The following DOCK1 variants were observed in gnomAD, a reference collection of about 807,000 sequenced individuals.
DOCK1 encodes the protein dedicator of cytokinesis 1.
A neutral mutation model predicts 262.7 loss-of-function variants in DOCK1; 138 were observed. The observed-to-expected ratio is 0.53, with a 90% CI of 0.46 to 0.61. The LOEUF (loss-of-function observed/expected upper bound fraction) is 0.61. DOCK1 is among the 20% of genes least tolerant of loss of function. The probability of loss-of-function intolerance (pLI) is 0.00; values close to 1 mark genes in which losing one functional copy is unlikely to be tolerated. For synonymous variants in DOCK1, 866 were observed against 867.4 expected (o/e 1.00, Z 0.03); for missense variants, 1,908 against 2,370.7 (o/e 0.80, Z 4.05).
intron 27 of DOCK1, among the ~76,000 whole-genome samples, chr10:127,157,448 CT>C (rs2053191555): frequency 6.6e-6 from 1 of 152,212 alleles, no homozygotes; most frequent in Admixed American, 6.5e-5. Context: ...TATAGTTTTT[CT>C]TATAGGTGGT....
In DOCK1 at chr10:126,996,898, G is replaced by C. The variant is rs563020283; in HGVS notation, c.609+15G>C. On this transcript the variant is annotated intron_variant, in intron 7 of 51. Coordinates refer to ENST00000623213, the MANE Select transcript of DOCK1 (RefSeq NM_001290223.2). ...AAGAGGAAAAAGTAAGTTTGACTCT[G>C]TCATATGCCATTCACGTTTTCTCAG... 1 of 1,569,960 alleles carries C rather than the reference G, an allele frequency of 6.4e-7. No homozygotes were observed. The highest frequency in any genetic ancestry group is 1.2e-5 in the South Asian group (1 of 83,296).
At chr10:127,384,682 T>C (rs939259526) in intron 37 of DOCK1, 108 bp from the exon 38 acceptor site, 14 of 1,295,118 alleles carry the variant, frequency 1.1e-5, no homozygotes, top group Non-Finnish European at 1.3e-5. Context: ...CAGCCACACA[T>C]GTCTCCAGAA....
At chr10:127,251,120 A>G (rs2059623916) in intron 28 of DOCK1, among the ~76,000 whole-genome samples, 1 of 150,958 alleles carries the variant, frequency 6.6e-6, no homozygotes, top group East Asian at 2.0e-4. Flanking sequence ...GCACCACCAC[A>G]CCCGGCTAAT....
At chr10:126,930,446 C>A (rs1282639611) in intron 1 of DOCK1, among the ~76,000 whole-genome samples, 3 of 152,368 alleles carry the variant, frequency 2.0e-5, no homozygotes, top group Admixed American at 1.3e-4. Context: ...CTTCTTACCT[C>A]CCTGAGCCTT....
intron 10 of DOCK1, chr10:127,001,427 C>T (rs2040588730): frequency 6.6e-6 from 1 of 152,200 alleles, no homozygotes; most frequent in South Asian, 2.1e-4. Context: ...TAGATTGGTA[C>T]ATTGATTACA....
At chr10:127,125,423 G>A (rs1221157472) in intron 25 of DOCK1, 51 bp from the exon 26 acceptor site, 8 of 1,605,478 alleles carry the variant, frequency 5.0e-6, no homozygotes, top group Non-Finnish European at 6.8e-6. Flanking sequence ...GCAAACACGA[G>A]TTGCGTCTTG....
At chr10:127,076,467 C>A (rs1375965648) in intron 23 of DOCK1, among the ~76,000 whole-genome samples, 1 of 152,198 alleles carries the variant, frequency 6.6e-6, no homozygotes, top group South Asian at 2.1e-4. Context: ...CGCCACTGCA[C>A]TCCAGCCTGG....
chr10:126,990,397 C>T (rs1375400310), intron 5 of DOCK1, 58 bp from the exon 6 acceptor site: 2 of 1,512,464 alleles, frequency 1.3e-6, no homozygotes, highest in African/African-American at 2.8e-5. Context: ...CATTCTCTAC[C>T]ATCTCCACAA....
At chr10:127,280,204 T>A (rs1016306875) in intron 29 of DOCK1, among the ~76,000 whole-genome samples, 1 of 151,320 alleles carries the variant, frequency 6.6e-6, no homozygotes, top group African/African-American at 2.4e-5. Flanking sequence ...CCGGCTAATT[T>A]TTTGTATTTT....
At chr10:127,335,891 A>AT (rs2063170271) in intron 29 of DOCK1, among the ~76,000 whole-genome samples, 1 of 150,920 alleles carries the variant, frequency 6.6e-6, no homozygotes. Context: ...ATTTTTTTGT[A>AT]TTTTTTAGTA....
intron 13 of DOCK1, among the ~76,000 whole-genome samples, chr10:127,020,764 C>T (rs893860717): frequency 3.9e-5 from 6 of 152,046 alleles, no homozygotes; most frequent in African/African-American, 1.4e-4. Flanking sequence ...GCTGTGGGCA[C>T]CAGAGAGAGA....
intron 33 of DOCK1, among the ~76,000 whole-genome samples, chr10:127,362,859 A>G (rs75308039): frequency 0.31 from 1,060 of 3,388 alleles, 124 homozygotes; most frequent in Middle Eastern, 0.5. Flanking sequence ...ACACATGTAC[A>G]TCCCCACACA....
intron 31 of DOCK1, among the ~76,000 whole-genome samples, chr10:127,348,823 AC>A (rs1274632932): frequency 6.6e-6 from 1 of 152,212 alleles, no homozygotes; most frequent in Non-Finnish European, 1.5e-5. Context: ...CAGGAAATAA[AC>A]ATGCCATGCA....
chr10:127,439,763 G>T (rs766053748), intron 49 of DOCK1, among the ~76,000 whole-genome samples: 1 of 152,082 alleles, frequency 6.6e-6, no homozygotes, highest in Non-Finnish European at 1.5e-5. Context: ...TCTCCTGGCC[G>T]TCTTTCACAA....
chr10:127,323,679 C>T (rs895999985), intron 29 of DOCK1, among the ~76,000 whole-genome samples: 4 of 152,158 alleles, frequency 2.6e-5, no homozygotes, highest in Non-Finnish European at 5.9e-5. Context: ...CTGCCACCTA[C>T]GAGCTGAGTA....
chr10:127,075,947 A>C (rs2046507558), intron 23 of DOCK1, among the ~76,000 whole-genome samples: 1 of 152,166 alleles, frequency 6.6e-6, no homozygotes, highest in Non-Finnish European at 1.5e-5. Context: ...ATGATGGTTC[A>C]CAAAACTTTC....
chr10:127,410,808 A>G (rs2067801213), intron 42 of DOCK1, 32 bp from the exon 43 acceptor site: 1 of 1,603,962 alleles, frequency 6.2e-7, no homozygotes, highest in African/African-American at 1.3e-5. Flanking sequence ...TTGCCGGGTT[A>G]AATATCTAAT....
At chr10:127,408,313 C>T (rs1297059818) in intron 40 of DOCK1, among the ~76,000 whole-genome samples, 1 of 152,162 alleles carries the variant, frequency 6.6e-6, no homozygotes, top group Non-Finnish European at 1.5e-5. Flanking sequence ...CAAACCCAGC[C>T]CTTCCAAGAA....
In DOCK1 at chr10:127,384,918, CA is replaced by C. The variant is rs2066022073; in HGVS notation, c.3927+14del. On this transcript the variant is annotated intron_variant, in intron 38 of 51. Coordinates refer to ENST00000623213, the MANE Select transcript of DOCK1 (RefSeq NM_001290223.2). ...ACTTCGACAAAGGCAAGGTAAAACA[CA>C]AAAAGCAATTGTCCTTGTTTTCCTC... The C allele has an allele frequency of 3.2e-6, 5 of 1,580,988 alleles. No individual in the cohort carries two copies. Among genetic ancestry groups the C allele is most frequent in the Non-Finnish European group, 2.6e-6 (3 of 1,167,784 alleles).
Sources: gnomAD v4.1 joint callset for allele counts (sites outside exome capture counted in the v4.1 genomes callset) on GRCh38, gnomAD v4.1.1 for gene constraint, MANE v1.5 for transcripts, NCBI Gene and HGNC (gene_info 2026-07-23, HGNC 2026-07-21) for gene names.